Variants in DCUN1D2 observed in about 807,000 individuals in gnomAD.
DCUN1D2 encodes the protein DCN1-like protein 2.
Under a neutral mutation model 30.9 loss-of-function variants are expected in DCUN1D2, and 29 were observed. The ratio of observed to expected loss-of-function variants is 0.94; its 90% CI spans 0.70 to 1.28. DCUN1D2 has a LOEUF of 1.28. DCUN1D2 is among the 50% of genes most tolerant of loss of function. The probability of loss-of-function intolerance (pLI) is 0.00; values close to 1 mark genes in which losing one functional copy is unlikely to be tolerated. For missense variants in DCUN1D2, 325 were observed against 316.9 expected (o/e 1.03, Z -0.19); for synonymous variants, 121 against 115.3 (o/e 1.05, Z -0.32).
In DCUN1D2 at chr13:113,478,333, A is replaced by C. The variant is rs147937597; in HGVS notation, c.389+2242T>G. On this transcript the variant is annotated intron_variant, in intron 3 of 6. Coordinates refer to ENST00000478244, the MANE Select transcript of DCUN1D2 (RefSeq NM_001014283.2). ...ACTGGCATAAAGCTCTTCATACATG[A>C]CTTTTTTTTTTTTAATGCTTCTGGC... 3.3e-3 allele frequency among the ~76,000 whole-genome samples: 479 copies of C among 144,462 alleles called. 4 individuals are homozygous for C. The highest frequency in any genetic ancestry group is 0.011 in the African/African-American group (456 of 39,756). The allele number at this position is 144,462 out of a possible 152,430, so 94.8% of individuals were successfully genotyped here.
chr13:113,478,453 ATCCT>A (rs1421699198), intron 3 of DCUN1D2, among the ~76,000 whole-genome samples: 1 of 151,968 alleles, frequency 6.6e-6, no homozygotes, highest in African/African-American at 2.4e-5. Context: ...AGCTTTATTG[ATCCT>A]TCCTAATGAC....
upstream of DCUN1D2, chr13:113,490,849 C>T: frequency 2.6e-6 from 1 of 389,630 alleles, no homozygotes; most frequent in African/African-American, 2.1e-5. The surrounding 1 kb of genome is among the most constrained non-coding windows in gnomAD (Gnocchi z 5.2). Flanking sequence ...AGCTCGCGCC[C>T]CACAGCCCCT....
upstream of DCUN1D2, chr13:113,490,954 G>A (rs902222521): frequency 5.0e-6 from 1 of 198,842 alleles, no homozygotes. This position sits in a 1 kb window ranked among gnomAD's most constrained non-coding sequence, Gnocchi z 5.2. Context: ...GGAAGTGCTC[G>A]CCGCCCGCGG....
chr13:113,470,545 A>G (rs1187794841), intron 4 of DCUN1D2, among the ~76,000 whole-genome samples: 1 of 152,132 alleles, frequency 6.6e-6, no homozygotes, highest in Non-Finnish European at 1.5e-5. Context: ...CCAACTCCAC[A>G]GAAGACCCAA....
chr13:113,458,771 A>AG (rs1417111777), intron 6 of DCUN1D2, among the ~76,000 whole-genome samples: 1 of 152,154 alleles, frequency 6.6e-6, no homozygotes, highest in African/African-American at 2.4e-5. Context: ...CTGCCCGCCG[A>AG]GGGGGCAGGG....
upstream of DCUN1D2, chr13:113,491,397 G>A (rs994607269): frequency 7.4e-6 from 1 of 135,606 alleles, no homozygotes; most frequent in Non-Finnish European, 1.6e-5. Flanking sequence ...CTTCCCAAGG[G>A]TCCCCTTCCT....
chr13:113,479,987 G>C (rs1181764310), intron 3 of DCUN1D2, among the ~76,000 whole-genome samples: 1 of 152,156 alleles, frequency 6.6e-6, no homozygotes, highest in Non-Finnish European at 1.5e-5. Context: ...CGGGACCACT[G>C]TTGTATAAGC....
At chr13:113,470,429 A>C (rs912190551) in intron 4 of DCUN1D2, among the ~76,000 whole-genome samples, 1 of 152,228 alleles carries the variant, frequency 6.6e-6, no homozygotes, top group African/African-American at 2.4e-5. Context: ...TGAAAAAGGA[A>C]GATCATTTTT....
rs188919242 is a variant in DCUN1D2, at chr13:113,485,049, G to C, written c.4-993C>G. ...GCTGAGATCGTGCCACTGCACTCCA[G>C]CCTGGGCGACAGGGCGAGACTCTAT... On this transcript the variant is annotated intron_variant, in intron 1 of 6. Transcript: ENST00000478244. 5.3e-3 allele frequency among the ~76,000 whole-genome samples: 804 copies of C among 151,958 alleles called. 8 individuals carry two copies. The highest frequency in any genetic ancestry group is 0.018 in the African/African-American group (764 of 41,326).
At chr13:113,462,730 T>C in intron 4 of DCUN1D2, 3 of 1,026,018 alleles carry the variant, frequency 2.9e-6, no homozygotes, top group South Asian at 3.4e-5. Flanking sequence ...AACAGCTCTC[T>C]AGACCTTACC....
chr13:113,480,792 A>T, intron 2 of DCUN1D2, 49 bp from the exon 3 acceptor site: 1 of 1,593,986 alleles, frequency 6.3e-7, no homozygotes, highest in Non-Finnish European at 8.6e-7. Flanking sequence ...TTGAAAAGTA[A>T]TTCTAAAATA....
rs1303470936 is a variant in DCUN1D2 at position 113,488,036 on chromosome 13, T to C, written c.3+2631A>G. Among the ~76,000 whole-genome samples the C allele has an allele frequency of 6.6e-6, 1 of 152,194 alleles. No individual in the cohort carries two copies. The highest frequency in any genetic ancestry group is 6.5e-5 in the Admixed American group (1 of 15,280). ...ATCTTGAGCTCCTGCCGATAACCCC[T>C]TGAAGCCTCCCCTAATGTGTGACAA... is the stretch of plus-strand genomic sequence containing the variant. On this transcript the variant is annotated intron_variant, in intron 1 of 6. Transcript: ENST00000478244. The surrounding 1 kb of genome is among the most constrained non-coding windows in gnomAD (Gnocchi z 4.3).
In DCUN1D2 at chr13:113,457,178, C is replaced by G. The variant is rs749837209; in HGVS notation, c.*851G>C. ...TACAGGTGTGAGCCACCACGCCCGGCCTTGATTTTAAAATCTATAATTCAT... is the reference window on the plus strand; with the variant it reads ...TACAGGTGTGAGCCACCACGCCCGGGCTTGATTTTAAAATCTATAATTCAT... On this transcript the variant is annotated 3_prime_UTR_variant, in exon 7 of 7. Transcript: ENST00000478244. 2.6e-5 allele frequency: 4 copies of G among 152,098 alleles called. No individual in the cohort carries two copies. The highest frequency in any genetic ancestry group is 2.1e-4 in the South Asian group (1 of 4,824). 9.4% of individuals were successfully genotyped at this position (152,098 alleles called of 1,614,324 possible).
intron 3 of DCUN1D2, chr13:113,479,173 A>G (rs2044665875): frequency 6.6e-6 from 1 of 152,144 alleles, no homozygotes. Context: ...CAAATCTTCT[A>G]TTTCCTCACT....
At chr13:113,463,685 C>G (rs752425661) in intron 4 of DCUN1D2, among the ~76,000 whole-genome samples, 11 of 152,152 alleles carry the variant, frequency 7.2e-5, no homozygotes, top group Non-Finnish European at 1.5e-4. Flanking sequence ...AGTAAAGCAT[C>G]ATCTTACATA....
At chr13:113,461,325 G>A (rs1186542956) in intron 4 of DCUN1D2, among the ~76,000 whole-genome samples, 189 bp from the exon 5 acceptor site, 1 of 152,152 alleles carries the variant, frequency 6.6e-6, no homozygotes, top group Non-Finnish European at 1.5e-5. Context: ...TAAATCTGGG[G>A]AAACTCTTTT....
At chr13:113,478,098 TG>T (rs1009660552) in intron 3 of DCUN1D2, among the ~76,000 whole-genome samples, 2 of 152,366 alleles carry the variant, frequency 1.3e-5, no homozygotes, top group Admixed American at 6.5e-5. Flanking sequence ...TTTACTTCTC[TG>T]GAAGAGGATG....
Position 113,481,933 on chromosome 13 carries a change from CTCTTA to C in DCUN1D2, c.221-1195_221-1191del, listed in dbSNP as rs760320908. Among the ~76,000 whole-genome samples, 3 of 151,770 alleles carry C rather than the reference CTCTTA, an allele frequency of 2.0e-5. No individual in the cohort carries two copies. In the East Asian group the frequency reaches 5.8e-4, roughly 29 times the overall value. ...CCATAAACATCCTTCTAACTCTATT[CTCTTA>C]TATCAGGGAGAAAACAACCTCAGCA... is the stretch of plus-strand genomic sequence containing the variant. On this transcript the variant is annotated intron_variant, in intron 2 of 6. Transcript: ENST00000478244.
intron 4 of DCUN1D2, among the ~76,000 whole-genome samples, chr13:113,469,877 T>C (rs74581486): frequency 0.024 from 3,662 of 152,066 alleles, 122 homozygotes; most frequent in East Asian, 0.085. Context: ...AGTGTGATCA[T>C]TGACTTCAAA....
Sources: allele counts gnomAD v4.1 joint callset (sites outside exome capture counted in the v4.1 genomes callset), GRCh38; gene constraint gnomAD v4.1.1; non-coding constraint Gnocchi (gnomAD v3.1); transcripts MANE v1.5; gene names NCBI Gene and HGNC (gene_info 2026-07-23, HGNC 2026-07-21).